MCCC2: variants seen among roughly 807,000 people sequenced by gnomAD.
The protein encoded by MCCC2 is methylcrotonoyl-CoA carboxylase beta chain, mitochondrial.
Under a neutral mutation model 77.2 loss-of-function variants are expected in MCCC2, and 52 were observed. The ratio of observed to expected loss-of-function variants is 0.67; its 90% confidence interval spans 0.54 to 0.85. The LOEUF is 0.85. Among genes scored for constraint, MCCC2 ranks in the 40% least tolerant of loss-of-function variants. MCCC2 has a pLI of 0.00. For synonymous variants in MCCC2, 253 were observed against 248.4 expected (o/e 1.02, Z -0.18); for missense variants, 682 against 703.2 (o/e 0.97, Z 0.34).
chr5:71,604,445 A>G lies in MCCC2; in HGVS notation c.601A>G (p.Met201Val), dbSNP rs1213911036. ...CCGTACATTCTATAATCAGGCAATT[A>G]TGTCTTCTAAAAATATTGCACAGGT... is the stretch of plus-strand genomic sequence containing the variant. ...FGRTFYNQAI[M>V]SSKNIAQIAV... Residue 201 changes from methionine (M) to valine (V), a missense_variant, in exon 6 of 17, where the codon ATG becomes GTG. Transcript: ENST00000340941. The G allele has an allele frequency of 6.2e-7, 1 of 1,613,988 alleles. No individual in the cohort carries two copies. Among genetic ancestry groups the G allele is most frequent in the Non-Finnish European group, 8.5e-7 (1 of 1,179,870 alleles).
At chr5:71,636,765 C>G (rs1746946278) in intron 10 of MCCC2, 1 of 151,876 alleles carries the variant, frequency 6.6e-6, no homozygotes, top group Non-Finnish European at 1.5e-5. Context: ...ATGAGTTGTT[C>G]CAGGTAGCCA....
chr5:71,655,440 G>A (rs982153239), intron 16 of MCCC2, among the ~76,000 whole-genome samples: 9 of 152,090 alleles, frequency 5.9e-5, no homozygotes, highest in East Asian at 1.9e-4. Flanking sequence ...ACTTTTATCC[G>A]GCATTTCATT....
chr5:71,644,032 C>CCT, intron 12 of MCCC2, 137 bp downstream of exon 12: 1 of 538,732 alleles, frequency 1.9e-6, no homozygotes, highest in Non-Finnish European at 3.0e-6. Flanking sequence ...TGTGCGCGGG[C>CCT]ATGTGTGTGT....
In MCCC2 at chr5:71,617,051, G is replaced by A. The variant is rs147519095; in HGVS notation, c.625-9589G>A. On this transcript the variant is annotated intron_variant, in intron 6 of 16. Transcript: ENST00000340941. Reference sequence around the variant, plus strand: ...CTGTTACTATTTGCTACAAAACAAAGCTCATACTTCTTAGCCCGATACTTA... The same window carrying A: ...CTGTTACTATTTGCTACAAAACAAAACTCATACTTCTTAGCCCGATACTTA... 2.1e-3 allele frequency among the ~76,000 whole-genome samples: 313 copies of A among 151,996 alleles called. 2 individuals are homozygous for A. Among genetic ancestry groups the A allele is most frequent in the African/African-American group, 7.3e-3 (301 of 41,514 alleles).
Position 71,596,373 on chromosome 5 carries a change from A to G in MCCC2, c.281+9A>G. On this transcript the variant is annotated intron_variant, in intron 3 of 16. Transcript: ENST00000340941. Reference sequence around the variant, plus strand: ...AATCTCATAGACCCAGGGTGCGTACATAGCCAAGTACTGACTCAGAGTGTT... The same window carrying G: ...AATCTCATAGACCCAGGGTGCGTACGTAGCCAAGTACTGACTCAGAGTGTT... 6.2e-7 allele frequency: 1 copy of G among 1,608,792 alleles called. No homozygotes were observed. Among genetic ancestry groups the G allele is most frequent in the Non-Finnish European group, 8.5e-7 (1 of 1,175,164 alleles).
Position 71,587,530 on chromosome 5 carries a change from G to T in MCCC2, c.105G>T (p.Pro35=). ...GDSVASLGTQ[P]DLGSALYQEN... Reference sequence around the variant, plus strand: ...CGGTGGCCTCGCTGGGCACCCAGCCGGACTTGGGCTCTGCCCTCTACCAGG... The same window carrying T: ...CGGTGGCCTCGCTGGGCACCCAGCCTGACTTGGGCTCTGCCCTCTACCAGG... Residue 35 remains proline (P), a synonymous_variant, in exon 1 of 17, where the codon CCG becomes CCT. Coordinates refer to ENST00000340941, the MANE Select transcript of MCCC2 (RefSeq NM_022132.5). 6.5e-7 allele frequency: 1 copy of T among 1,538,188 alleles called. No homozygotes were observed.
rs200849501 is a variant in MCCC2, at chr5:71,626,729, C to G, written c.714C>G (p.Thr238=). ...DENIIVRKQG[T]IFLAGPPLVK... ...ACATCATTGTACGCAAGCAGGGTAC[C>G]ATTTTCTTGGCAGGACCCCCCTTGG... The change falls in exon 7 of 17, where the codon ACC becomes ACG. Residue 238 remains threonine (T), a synonymous_variant. Coordinates refer to ENST00000340941, the MANE Select transcript of MCCC2 (RefSeq NM_022132.5). 5.0e-6 allele frequency: 8 copies of G among 1,614,082 alleles called. No individual in the cohort carries two copies. Among genetic ancestry groups the G allele is most frequent in the Non-Finnish European group, 5.9e-6 (7 of 1,180,012 alleles).
At chr5:71,621,121 C>T (rs1746334660) in intron 6 of MCCC2, among the ~76,000 whole-genome samples, 1 of 152,110 alleles carries the variant, frequency 6.6e-6, no homozygotes, top group African/African-American at 2.4e-5. Flanking sequence ...CTTTGTGGTA[C>T]CACCAGTGAA....
chr5:71,652,777 C>G (rs1024317179), intron 16 of MCCC2, 23 bp downstream of exon 16: 1 of 1,600,372 alleles, frequency 6.2e-7, no homozygotes. Context: ...ACATCACTAA[C>G]TCTCTGATGG....
intron 6 of MCCC2, among the ~76,000 whole-genome samples, chr5:71,618,805 T>C (rs940256845): frequency 6.6e-6 from 1 of 152,232 alleles, no homozygotes; most frequent in African/African-American, 2.4e-5. Context: ...CTTAGAATCC[T>C]CCTCAGAAGT....
chr5:71,636,902 C>T (rs2112442964), intron 10 of MCCC2, among the ~76,000 whole-genome samples: 1 of 151,770 alleles, frequency 6.6e-6, no homozygotes, highest in South Asian at 2.1e-4. Flanking sequence ...CGCCACCATA[C>T]CTGGCTAATT....
At chr5:71,612,918 AC>A (rs1237853458) in intron 6 of MCCC2, among the ~76,000 whole-genome samples, 1 of 152,154 alleles carries the variant, frequency 6.6e-6, no homozygotes, top group Non-Finnish European at 1.5e-5. Context: ...GGAAGCCATA[AC>A]TCTGCAGTCA....
intron 1 of MCCC2, 21 bp downstream of exon 1, chr5:71,587,575 G>T: frequency 6.5e-7 from 1 of 1,530,938 alleles, no homozygotes; most frequent in Non-Finnish European, 8.8e-7. Flanking sequence ...CGCCCCGGTG[G>T]CCTGGCCGCC....
At chr5:71,621,133 G>A (rs772350773) in intron 6 of MCCC2, among the ~76,000 whole-genome samples, 1 of 152,164 alleles carries the variant, frequency 6.6e-6, no homozygotes, top group Non-Finnish European at 1.5e-5. Flanking sequence ...ACCAGTGAAT[G>A]CTTTGGGACA....
intron 11 of MCCC2, among the ~76,000 whole-genome samples, chr5:71,642,642 A>G (rs920804304): frequency 1.4e-4 from 22 of 152,204 alleles, no homozygotes; most frequent in Non-Finnish European, 2.9e-4. Context: ...GTGATGTGTT[A>G]AATTCCCATG....
chr5:71,595,535 C>A lies in MCCC2; in HGVS notation c.197-745C>A, dbSNP rs1263305533. Among the ~76,000 whole-genome samples the A allele has an allele frequency of 2.0e-5, 3 of 150,824 alleles. No individual in the cohort carries two copies. The East Asian group carries it at 5.9e-4, about 30-fold the overall frequency. On this transcript the variant is annotated intron_variant, in intron 2 of 16. Coordinates refer to ENST00000340941, the MANE Select transcript of MCCC2 (RefSeq NM_022132.5). ...TGAAATAGCTGAACATTTCATTAGA[C>A]AAAGACTATATTAAGATGAAATTCT...
intron 6 of MCCC2, among the ~76,000 whole-genome samples, chr5:71,615,966 T>C (rs1746143642): frequency 6.6e-6 from 1 of 152,182 alleles, no homozygotes; most frequent in South Asian, 2.1e-4. Context: ...GTCCCAGCCC[T>C]ATCCTTCAGG....
chr5:71,634,840 A>G (rs1341433857), intron 8 of MCCC2, 103 bp from the exon 9 acceptor site: 2 of 1,033,532 alleles, frequency 1.9e-6, no homozygotes, highest in Admixed American at 1.9e-5. Context: ...TTTTAGAAGT[A>G]AAAGTGCTGT....
At chr5:71,655,480 A>G (rs150708597) in intron 16 of MCCC2, among the ~76,000 whole-genome samples, 5 of 152,290 alleles carry the variant, frequency 3.3e-5, no homozygotes, top group African/African-American at 7.2e-5. Flanking sequence ...AGTCTTTTTA[A>G]TGAACATTAT....
Sources: gnomAD v4.1 joint callset for allele counts (sites outside exome capture counted in the v4.1 genomes callset) on GRCh38, gnomAD v4.1.1 for gene constraint, MANE v1.5 for transcripts, NCBI Gene and HGNC (gene_info 2026-07-23, HGNC 2026-07-21) for gene names.